The following MDGA2 variants were observed in gnomAD, a reference collection of about 807,000 sequenced individuals.
MDGA2 encodes MAM domain-containing glycosylphosphatidylinositol anchor protein 2.
MDGA2 carries 40 observed loss-of-function variants against 117.8 expected under a neutral mutation model. The observed-to-expected ratio is 0.34, with a 90% CI of 0.26 to 0.44. The LOEUF (loss-of-function observed/expected upper bound fraction) is 0.44. MDGA2 is among the 20% of genes least tolerant of loss of function. The pLI is 1.00. For synonymous variants in MDGA2, 452 were observed against 439.0 expected, an observed-to-expected ratio of 1.03 and a Z score of -0.37; for missense variants, 1,123 against 1,250.6, an observed-to-expected ratio of 0.90 and a Z score of 1.54.
At chr14:46,941,772 T>A (rs1304022949) in intron 9 of MDGA2, among the ~76,000 whole-genome samples, 1 of 152,214 alleles carries the variant, frequency 6.6e-6, no homozygotes, top group Non-Finnish European at 1.5e-5. Context: ...TTCTCTGGTG[T>A]CAGTACATAT....
chr14:47,125,924 A>G (rs1184510634), intron 5 of MDGA2, among the ~76,000 whole-genome samples: 1 of 152,068 alleles, frequency 6.6e-6, no homozygotes, highest in South Asian at 2.1e-4. Context: ...ACATCAAGTC[A>G]TAAGTGCTTG....
chr14:47,450,409 T>C (rs911218138), intron 1 of MDGA2, among the ~76,000 whole-genome samples: 3 of 152,030 alleles, frequency 2.0e-5, no homozygotes, highest in Admixed American at 6.6e-5. Context: ...CAGCCTCAAA[T>C]GAGTTGCAGA....
intron 1 of MDGA2, among the ~76,000 whole-genome samples, chr14:47,489,322 G>A (rs1894121305): frequency 6.6e-6 from 1 of 152,008 alleles, no homozygotes; most frequent in Admixed American, 6.6e-5. Flanking sequence ...CTGAATTTAT[G>A]ATAACTTTTT....
intron 10 of MDGA2, among the ~76,000 whole-genome samples, chr14:46,917,117 A>C (rs1430171018): frequency 2.0e-5 from 3 of 152,194 alleles, no homozygotes; most frequent in East Asian, 1.9e-4. Flanking sequence ...GTGGAAGAGA[A>C]AAATGTGAAT....
At chr14:47,344,861 C>T (rs12589733) in intron 1 of MDGA2, among the ~76,000 whole-genome samples, 1 of 142,662 alleles carries the variant, frequency 7.0e-6, no homozygotes, top group African/African-American at 2.5e-5. Context: ...AGGGGTGTCT[C>T]TGTGTGTGTA....
chr14:46,988,088 C>T lies in MDGA2; in HGVS notation c.1820-30445G>A, dbSNP rs576537998. Among the ~76,000 whole-genome samples, 265 of 151,702 alleles carry T rather than the reference C, an allele frequency of 1.7e-3. 1 individual carries two copies. Among genetic ancestry groups the T allele is most frequent in the Non-Finnish European group, 3.1e-3 (211 of 67,930 alleles). Reference sequence around the variant, plus strand: ...TAAAATAGTAGTAAAGAGTGGAGAACATGGCTTCTTAGGATGGTACTAGCT... The same window carrying T: ...TAAAATAGTAGTAAAGAGTGGAGAATATGGCTTCTTAGGATGGTACTAGCT... On this transcript the variant is annotated intron_variant, in intron 8 of 16. Transcript: ENST00000399232.
At chr14:46,917,306 A>C (rs1274137210) in intron 10 of MDGA2, among the ~76,000 whole-genome samples, 1 of 152,230 alleles carries the variant, frequency 6.6e-6, no homozygotes, top group Non-Finnish European at 1.5e-5. Flanking sequence ...CTTTTAAAAA[A>C]TCTGTATACA....
intron 6 of MDGA2, among the ~76,000 whole-genome samples, chr14:47,071,779 C>G (rs7159230): frequency 0.29 from 44,286 of 151,990 alleles, 7,428 homozygotes; most frequent in African/African-American, 0.46. Context: ...ACAAAAATTA[C>G]TATTCCTGTT....
chr14:47,136,452 C>T (rs1882462517), intron 4 of MDGA2, among the ~76,000 whole-genome samples: 1 of 152,050 alleles, frequency 6.6e-6, no homozygotes, highest in Non-Finnish European at 1.5e-5. Flanking sequence ...CTGCCTTGGC[C>T]TCCCAAAGTG....
At chr14:47,611,005 A>T (rs1200332209) in intron 1 of MDGA2, among the ~76,000 whole-genome samples, 1 of 152,144 alleles carries the variant, frequency 6.6e-6, no homozygotes, top group Non-Finnish European at 1.5e-5. Flanking sequence ...CTGGTATAAA[A>T]ATAGGCACAT....
intron 5 of MDGA2, among the ~76,000 whole-genome samples, chr14:47,127,426 CA>C (rs1881961765): frequency 1.3e-5 from 2 of 152,098 alleles, no homozygotes; most frequent in African/African-American, 2.4e-5. Flanking sequence ...TTGAAATTCA[CA>C]AACCCTTCCA....
chr14:47,293,226 G>A (rs572028795), intron 2 of MDGA2, among the ~76,000 whole-genome samples: 1 of 152,278 alleles, frequency 6.6e-6, no homozygotes, highest in East Asian at 1.9e-4. Context: ...AGTCTTCTAA[G>A]TTTTAATATT....
Position 47,426,399 on chromosome 14 carries a change from T to C in MDGA2, c.281-124849A>G, listed in dbSNP as rs371238533. ...CTATATGTTTTCAGTATGCCCCTACTTTTTTTGAGCCCTTTCTTTTCTTTA... is the reference window on the plus strand; with the variant it reads ...CTATATGTTTTCAGTATGCCCCTACCTTTTTTGAGCCCTTTCTTTTCTTTA... On this transcript the variant is annotated intron_variant, in intron 1 of 16. Transcript: ENST00000399232. Among the ~76,000 whole-genome samples, 230 of 152,048 alleles carry C rather than the reference T, an allele frequency of 1.5e-3. 1 individual carries two copies. In the Middle Eastern group the frequency reaches 0.024, roughly 16 times the overall value.
chr14:46,984,129 T>C (rs984659062), intron 8 of MDGA2, among the ~76,000 whole-genome samples: 1 of 152,098 alleles, frequency 6.6e-6, no homozygotes, highest in East Asian at 1.9e-4. Context: ...TACCAGTCTC[T>C]ACATCTGCAT....
chr14:47,235,773 T>C (rs1886838318), intron 2 of MDGA2, among the ~76,000 whole-genome samples: 1 of 152,136 alleles, frequency 6.6e-6, no homozygotes, highest in Admixed American at 6.6e-5. Flanking sequence ...GGAGAAATAA[T>C]AATAAATTAT....
intron 1 of MDGA2, among the ~76,000 whole-genome samples, chr14:47,343,438 T>A (rs1398285749): frequency 6.6e-6 from 1 of 152,200 alleles, no homozygotes; most frequent in East Asian, 1.9e-4. Flanking sequence ...TCACTACATT[T>A]CACTTATCAG....
At chr14:47,662,701 A>G (rs574184850) in intron 1 of MDGA2, among the ~76,000 whole-genome samples, 19 of 152,320 alleles carry the variant, frequency 1.2e-4, no homozygotes, top group African/African-American at 2.6e-4. Flanking sequence ...GAGAGTAAGC[A>G]GACTCTGAGT....
intron 5 of MDGA2, among the ~76,000 whole-genome samples, chr14:47,106,873 T>C (rs1252436197): frequency 7.1e-6 from 1 of 140,002 alleles, no homozygotes; most frequent in Non-Finnish European, 1.6e-5. Flanking sequence ...TCCCCAACTC[T>C]GGTGCCAACT....
At chr14:47,256,466 C>A (rs1887623755) in intron 2 of MDGA2, among the ~76,000 whole-genome samples, 1 of 152,160 alleles carries the variant, frequency 6.6e-6, no homozygotes, top group Admixed American at 6.6e-5. Flanking sequence ...GCCTACATTT[C>A]TCTGGTCCTC....
Sources: gnomAD v4.1 joint callset for allele counts (sites outside exome capture counted in the v4.1 genomes callset) on GRCh38, gnomAD v4.1.1 for gene constraint, MANE v1.5 for transcripts, NCBI Gene and HGNC (gene_info 2026-07-23, HGNC 2026-07-21) for gene names.